The following FMN1 variants were observed in gnomAD, a reference collection of about 807,000 sequenced individuals.
FMN1 encodes the protein formin-1.
A neutral mutation model predicts 132.4 loss-of-function variants in FMN1; 110 were observed. The ratio of observed to expected loss-of-function variants is 0.83; its 90% CI spans 0.71 to 0.97. FMN1 has a LOEUF of 0.97. Among genes scored for constraint, FMN1 ranks in the 50% least tolerant of loss-of-function variants. The pLI is 0.00. For missense variants in FMN1, 1,792 were observed against 1,705.3 expected (o/e 1.05, Z -0.90); for synonymous variants, 722 against 651.7 (o/e 1.11, Z -1.64).
intron 9 of FMN1, among the ~76,000 whole-genome samples, chr15:32,929,765 CTTTTT>C (rs34841652): frequency 3.0e-4 from 43 of 145,272 alleles, no homozygotes; most frequent in Non-Finnish European, 5.6e-4. Context: ...ACAAGATTTC[CTTTTT>C]TTTTTTTTGT....
intron 17 of FMN1, among the ~76,000 whole-genome samples, chr15:32,828,804 G>A (rs1158412442): frequency 2.6e-5 from 4 of 152,086 alleles, no homozygotes; most frequent in Non-Finnish European, 2.9e-5. Context: ...CATACATTCC[G>A]ACTACTAGAA....
chr15:32,945,421 C>G (rs911684612), intron 9 of FMN1, among the ~76,000 whole-genome samples: 22 of 152,234 alleles, frequency 1.4e-4, no homozygotes, highest in African/African-American at 5.3e-4. Flanking sequence ...CTCTAAATAA[C>G]AAAGTTTGCA....
intron 5 of FMN1, among the ~76,000 whole-genome samples, chr15:33,086,969 C>T (rs985999265): frequency 6.6e-6 from 1 of 152,188 alleles, no homozygotes; most frequent in African/African-American, 2.4e-5. Flanking sequence ...AACCCACACT[C>T]GTCAAAAACA....
intron 9 of FMN1, among the ~76,000 whole-genome samples, chr15:32,949,962 T>C (rs1245020902): frequency 1.2e-4 from 5 of 42,618 alleles, no homozygotes; most frequent in East Asian, 4.8e-4. Context: ...TATATATATA[T>C]ATACACACAT....
chr15:32,785,218 ATTTTTT>A lies in FMN1; in HGVS notation c.4131-8305_4131-8300del, dbSNP rs1230723314. ...TGTGTGTGTATATATATATATATAT[ATTTTTT>A]TTTTTTTTTTTTTGTAGAGATGAGG... On this transcript the variant is annotated intron_variant, in intron 19 of 20. Transcript: ENST00000616417. Among the ~76,000 whole-genome samples, 26 of 39,210 alleles carry A rather than the reference ATTTTTT, an allele frequency of 6.6e-4. 1 individual carries two copies. The highest frequency in any genetic ancestry group is 1.6e-3 in the African/African-American group (13 of 8,386). 25.7% of individuals were successfully genotyped at this position (39,210 alleles called of 152,430 possible).
At chr15:33,098,090 C>A (rs554314137) in intron 4 of FMN1, among the ~76,000 whole-genome samples, 3 of 152,224 alleles carry the variant, frequency 2.0e-5, no homozygotes, top group Admixed American at 2.0e-4. Context: ...GTACTGATAA[C>A]AGAAAATTAT....
intron 17 of FMN1, among the ~76,000 whole-genome samples, chr15:32,808,845 ACTG>A (rs951796552): frequency 2.6e-5 from 4 of 151,658 alleles, no homozygotes; most frequent in African/African-American, 9.7e-5. Context: ...AATGTTCATA[ACTG>A]CTTTCAGTAG....
At chr15:32,985,928 A>G (rs1034131550) in intron 7 of FMN1, among the ~76,000 whole-genome samples, 6 of 152,162 alleles carry the variant, frequency 3.9e-5, no homozygotes, top group Non-Finnish European at 8.8e-5. Flanking sequence ...TCCCACTTCA[A>G]TAACATTAAG....
chr15:32,831,553 G>T (rs1333802609), intron 17 of FMN1, among the ~76,000 whole-genome samples: 2 of 152,164 alleles, frequency 1.3e-5, no homozygotes, highest in Non-Finnish European at 2.9e-5. Flanking sequence ...TGCAGGGGAG[G>T]AAAGTGTGTG....
chr15:33,021,225 T>C (rs1029992463), intron 6 of FMN1, among the ~76,000 whole-genome samples: 2 of 149,818 alleles, frequency 1.3e-5, no homozygotes, highest in Non-Finnish European at 3.0e-5. Context: ...CCAAACCAGC[T>C]CAGCTGAACC....
rs1267584266 is a variant in FMN1, at chr15:32,773,198, A to C, written c.*1112T>G. 1 of 152,164 alleles carries C rather than the reference A, an allele frequency of 6.6e-6. No homozygotes were observed. Among genetic ancestry groups the C allele is most frequent in the African/African-American group, 2.4e-5 (1 of 41,412 alleles). The allele number at this position is 152,164 out of a possible 1,614,324, so 9.4% of individuals were successfully genotyped here. ...TATTCCACTTGGAAGTTTTCTATTA[A>C]TGTAATTACTTTCATTTTGATGTAA... On this transcript the variant is annotated 3_prime_UTR_variant, in exon 21 of 21. Coordinates refer to ENST00000616417, the MANE Select transcript of FMN1 (RefSeq NM_001277313.2).
intron 10 of FMN1, among the ~76,000 whole-genome samples, chr15:32,925,954 C>T (rs922060917): frequency 6.6e-6 from 1 of 152,114 alleles, no homozygotes; most frequent in Non-Finnish European, 1.5e-5. Context: ...ACATTTTTAA[C>T]AGATGACTTA....
chr15:32,902,064 C>A, intron 12 of FMN1, 24 bp from the exon 13 acceptor site: 1 of 1,598,248 alleles, frequency 6.3e-7, no homozygotes, highest in African/African-American at 1.3e-5. Flanking sequence ...AATGTGTCAT[C>A]TACCTTCACA....
intron 6 of FMN1, among the ~76,000 whole-genome samples, chr15:33,037,002 C>G (rs1325890278): frequency 6.6e-6 from 1 of 152,262 alleles, no homozygotes; most frequent in African/African-American, 2.4e-5. Flanking sequence ...ACTTAGCATT[C>G]TGCTATATTT....
intron 6 of FMN1, chr15:33,012,124 T>C: frequency 2.2e-6 from 1 of 459,988 alleles, no homozygotes; most frequent in Middle Eastern, 6.4e-4. Context: ...CTGTCATGTC[T>C]GCACATCAGA....
intron 10 of FMN1, among the ~76,000 whole-genome samples, chr15:32,912,806 G>A (rs2060594791): frequency 2.0e-5 from 3 of 151,992 alleles, no homozygotes; most frequent in Admixed American, 6.6e-5. Flanking sequence ...ATCCTGACAT[G>A]TTAAATTTTC....
chr15:33,170,200 A>C (rs1053157704), intron 3 of FMN1, among the ~76,000 whole-genome samples: 1 of 152,164 alleles, frequency 6.6e-6, no homozygotes, highest in Non-Finnish European at 1.5e-5. Context: ...GTGCTGGGAA[A>C]ACTGGACATC....
chr15:32,874,590 A>G (rs2059595305), intron 16 of FMN1, among the ~76,000 whole-genome samples: 1 of 152,162 alleles, frequency 6.6e-6, no homozygotes, highest in African/African-American at 2.4e-5. Flanking sequence ...CCTCTAACAG[A>G]CTGACAAGTA....
chr15:33,010,184 C>A (rs537828972), intron 6 of FMN1, among the ~76,000 whole-genome samples: 4 of 152,208 alleles, frequency 2.6e-5, no homozygotes, highest in African/African-American at 9.6e-5. Context: ...AGGCACTATG[C>A]AGAGTGAAAG....
Sources: allele counts gnomAD v4.1 joint callset (sites outside exome capture counted in the v4.1 genomes callset), GRCh38; gene constraint gnomAD v4.1.1; transcripts MANE v1.5; gene names NCBI Gene and HGNC (gene_info 2026-07-23, HGNC 2026-07-21).